Variants in PIEZO2 observed in about 807,000 individuals in gnomAD.
PIEZO2 encodes the protein piezo-type mechanosensitive ion channel component 2.
In PIEZO2, 172 loss-of-function variants were observed where a neutral mutation model predicts 337.3. The observed-to-expected ratio is 0.51, with a 90% CI of 0.45 to 0.58. The LOEUF (loss-of-function observed/expected upper bound fraction) is 0.58. Among genes scored for constraint, PIEZO2 ranks in the 20% least tolerant of loss-of-function variants. PIEZO2 has a pLI of 0.00. For missense variants in PIEZO2, 3,028 were observed against 3,391.3 expected (o/e 0.89, Z 2.66); for synonymous variants, 1,251 against 1,228.5 (o/e 1.02, Z -0.38).
intron 1 of PIEZO2, among the ~76,000 whole-genome samples, chr18:11,106,474 C>T (rs1405054304): frequency 2.1e-5 from 3 of 144,256 alleles, no homozygotes; most frequent in Non-Finnish European, 4.5e-5. Context: ...GTGGTGCAAT[C>T]ATAGCTCATT....
In PIEZO2 at chr18:11,038,424, C is replaced by T. The variant is rs532595417; in HGVS notation, c.160+27703G>A. 6.6e-5 allele frequency among the ~76,000 whole-genome samples: 10 copies of T among 152,184 alleles called. No homozygotes were observed. Among genetic ancestry groups the T allele is most frequent in the Admixed American group, 3.9e-4 (6 of 15,278 alleles). On this transcript the variant is annotated intron_variant, in intron 2 of 55. Transcript: ENST00000674853. The surrounding 1 kb of genome is among the most constrained non-coding windows in gnomAD (Gnocchi z 4.1). ...AACCATTCCCATGCCAAGTGTAAGC[C>T]GGAGGCCCTTATTTAAGAATCTCCA... is the stretch of plus-strand genomic sequence containing the variant.
At chr18:10,917,962 A>T (rs1192170459) in intron 3 of PIEZO2, among the ~76,000 whole-genome samples, 4 of 152,222 alleles carry the variant, frequency 2.6e-5, no homozygotes, top group Non-Finnish European at 4.4e-5. Flanking sequence ...TTTACCATGC[A>T]TTGAACACTG....
chr18:11,101,025 T>C lies in PIEZO2; in HGVS notation c.65-34803A>G, dbSNP rs766223379. Among the ~76,000 whole-genome samples the C allele has an allele frequency of 6.6e-6, 1 of 152,208 alleles. No homozygotes were observed. On this transcript the variant is annotated intron_variant, in intron 1 of 55. Transcript: ENST00000674853. The surrounding 1 kb of genome is among the most constrained non-coding windows in gnomAD (Gnocchi z 4.4). ...CAAGGAATTCAGTGGGTGGGATGGCTTTCCCACTGGAGATGCAGCTTCAGA... is the reference window on the plus strand; with the variant it reads ...CAAGGAATTCAGTGGGTGGGATGGCCTTCCCACTGGAGATGCAGCTTCAGA...
intron 4 of PIEZO2, among the ~76,000 whole-genome samples, chr18:10,882,603 C>T (rs569696603): frequency 6.6e-6 from 1 of 151,992 alleles, no homozygotes; most frequent in Admixed American, 6.6e-5. Context: ...ACATTTTTTC[C>T]CATCATCTCC....
intron 4 of PIEZO2, among the ~76,000 whole-genome samples, chr18:10,883,976 A>G (rs138061708): frequency 6.6e-6 from 1 of 151,654 alleles, no homozygotes; most frequent in African/African-American, 2.4e-5. Flanking sequence ...ATGCCTGGCT[A>G]ATTTTTTTGT....
At chr18:10,756,688 T>G (rs2037870916) in intron 27 of PIEZO2, among the ~76,000 whole-genome samples, 1 of 140,416 alleles carries the variant, frequency 7.1e-6, no homozygotes, top group South Asian at 2.3e-4. Context: ...GGATGCAGGA[T>G]GAGAAGGAGA....
At chr18:11,136,082 T>C (rs2040476705) in intron 1 of PIEZO2, among the ~76,000 whole-genome samples, 1 of 152,252 alleles carries the variant, frequency 6.6e-6, no homozygotes, top group Non-Finnish European at 1.5e-5. Context: ...AGGGACTGTG[T>C]CACATCTTTT....
chr18:11,103,585 T>C (rs879748933), intron 1 of PIEZO2, among the ~76,000 whole-genome samples: 2 of 152,210 alleles, frequency 1.3e-5, no homozygotes, highest in Non-Finnish European at 2.9e-5. Flanking sequence ...AATCCCTTTA[T>C]AACAATTGGC....
At chr18:10,700,911 C>T (rs1297758125) in intron 43 of PIEZO2, among the ~76,000 whole-genome samples, 1 of 152,186 alleles carries the variant, frequency 6.6e-6, no homozygotes, top group African/African-American at 2.4e-5. Context: ...AGGCTCCCTC[C>T]AAATGGAGGG....
At chr18:10,774,679 GTT>G (rs371792915) in intron 18 of PIEZO2, among the ~76,000 whole-genome samples, 3,710 of 152,058 alleles carry the variant, frequency 0.024, 142 homozygotes, top group African/African-American at 0.085. Flanking sequence ...TTCTCCTACA[GTT>G]TTTTTTAAAA....
chr18:10,926,743 C>A (rs1383859744), intron 3 of PIEZO2, among the ~76,000 whole-genome samples: 1 of 152,156 alleles, frequency 6.6e-6, no homozygotes, highest in Non-Finnish European at 1.5e-5. Context: ...GATCAGCCTG[C>A]CAAGGGTGGC....
intron 36 of PIEZO2, among the ~76,000 whole-genome samples, chr18:10,723,099 C>T (rs1009745329): frequency 6.6e-6 from 1 of 151,376 alleles, no homozygotes; most frequent in African/African-American, 2.4e-5. Context: ...TCCCAAGTAG[C>T]TGGGATTACA....
At chr18:10,835,476 T>C (rs924891225) in intron 7 of PIEZO2, among the ~76,000 whole-genome samples, 3 of 152,256 alleles carry the variant, frequency 2.0e-5, no homozygotes, top group African/African-American at 7.2e-5. Context: ...CATTAAAATA[T>C]GCACATAATG....
At chr18:10,880,581 C>T (rs924780823) in intron 4 of PIEZO2, among the ~76,000 whole-genome samples, 41 of 151,972 alleles carry the variant, frequency 2.7e-4, no homozygotes, top group African/African-American at 9.4e-4. Context: ...GTGGAAAGGT[C>T]ACCTTCAACT....
intron 1 of PIEZO2, among the ~76,000 whole-genome samples, chr18:11,117,694 G>A (rs187780234): frequency 5.9e-5 from 9 of 152,308 alleles, no homozygotes; most frequent in Admixed American, 5.9e-4. Flanking sequence ...GGATCAAAAC[G>A]TGGCCTCTAT....
rs1410747199 is a variant in PIEZO2, at chr18:11,105,107, T to A, written c.65-38885A>T. Among the ~76,000 whole-genome samples, 1 of 152,164 alleles carries A rather than the reference T, an allele frequency of 6.6e-6. No homozygotes were observed. The highest frequency in any genetic ancestry group is 1.5e-5 in the Non-Finnish European group (1 of 68,030). On this transcript the variant is annotated intron_variant, in intron 1 of 55. Transcript: ENST00000674853. This position sits in a 1 kb window ranked among gnomAD's most constrained non-coding sequence, Gnocchi z 4.3. ...CACGACACCACCACAGAAGAAAACA[T>A]AGCCAAGAAATGGAGAAGGGGAGTG... is the stretch of plus-strand genomic sequence containing the variant.
chr18:10,801,946 C>G (rs1488271321), intron 9 of PIEZO2, among the ~76,000 whole-genome samples: 1 of 151,662 alleles, frequency 6.6e-6, no homozygotes. Flanking sequence ...ATTAGCCGGG[C>G]GTCGTGGTGG....
At chr18:10,812,182 T>C (rs1289044913) in intron 7 of PIEZO2, among the ~76,000 whole-genome samples, 3 of 152,178 alleles carry the variant, frequency 2.0e-5, no homozygotes, top group Non-Finnish European at 4.4e-5. Context: ...GAAGAAACAA[T>C]GAGACTCAAA....
chr18:11,135,562 G>A (rs1431271344), intron 1 of PIEZO2, among the ~76,000 whole-genome samples: 1 of 152,118 alleles, frequency 6.6e-6, no homozygotes, highest in African/African-American at 2.4e-5. Context: ...TTGATTGATT[G>A]ATTTAGATGG....
Sources: allele counts gnomAD v4.1 joint callset (sites outside exome capture counted in the v4.1 genomes callset), GRCh38; gene constraint gnomAD v4.1.1; non-coding constraint Gnocchi (gnomAD v3.1); transcripts MANE v1.5; gene names NCBI Gene and HGNC (gene_info 2026-07-23, HGNC 2026-07-21).